ENAH: variants seen among roughly 807,000 people sequenced by gnomAD.
ENAH encodes ENAH actin regulator.
A neutral mutation model predicts 78.7 loss-of-function variants in ENAH; 23 were observed. The ratio of observed to expected loss-of-function variants is 0.29; its 90% CI spans 0.21 to 0.41. The LOEUF is 0.41. ENAH is among the 10% of genes least tolerant of loss of function. ENAH has a pLI of 1.00. For missense variants in ENAH, 544 were observed against 691.0 expected (o/e 0.79, Z 2.39); for synonymous variants, 226 against 241.0 (o/e 0.94, Z 0.58).
At position 225,574,932 on chromosome 1, in the gene ENAH, A is replaced by AT. The variant is rs1491247727; in HGVS notation, c.6-7519_6-7518insA. Among the ~76,000 whole-genome samples the AT allele has an allele frequency of 1.1e-4, 14 of 130,156 alleles. 2 individuals are homozygous for AT. In the East Asian group the frequency reaches 1.2e-3, roughly 11 times the overall value. The allele number at this position is 130,156 out of a possible 152,430, so 85.4% of individuals were successfully genotyped here. A position where few individuals can be genotyped will look rare whatever the true frequency, so the allele number is the denominator to read the frequency against. ...AAAAAAAAAAAAAATATATATATAT[A>AT]AAAAAAAAAAAAGATTGTGCATTCA... On this transcript the variant is annotated intron_variant, in intron 1 of 13. Transcript: ENST00000366843.
chr1:225,549,607 C>G (rs897027318), intron 3 of ENAH, among the ~76,000 whole-genome samples: 1 of 152,192 alleles, frequency 6.6e-6, no homozygotes, highest in Non-Finnish European at 1.5e-5. Context: ...ATTTCTAAAA[C>G]AAGGATAATA....
chr1:225,519,219 C>G lies in ENAH; in HGVS notation c.781G>C (p.Glu261Gln). 6.2e-7 allele frequency: 1 copy of G among 1,614,192 alleles called. No individual in the cohort carries two copies. Among genetic ancestry groups the G allele is most frequent in the Non-Finnish European group, 8.5e-7 (1 of 1,180,000 alleles). ...LEREQLEWER[E>Q]RRISSAAAPA... ...TTACCAGCACTTGATATTCTGCGCTCTCTCTCCCATTCCAGCTGTTCCCTT... is the reference window on the plus strand; with the variant it reads ...TTACCAGCACTTGATATTCTGCGCTGTCTCTCCCATTCCAGCTGTTCCCTT... Residue 261 changes from glutamate to glutamine, a missense_variant, in exon 5 of 14, where the codon GAG becomes CAG. Transcript: ENST00000366843.
rs1431927044 is a variant in ENAH at position 225,489,499 on chromosome 1, A to G, written c.*8276T>C. On this transcript the variant is annotated 3_prime_UTR_variant, in exon 14 of 14. Transcript: ENST00000366843. ...GCAATAGCGTCTATGACTATAAAACAACTAAAAGCTGCACTTAAGATGGGA... is the reference window on the plus strand; with the variant it reads ...GCAATAGCGTCTATGACTATAAAACGACTAAAAGCTGCACTTAAGATGGGA... The G allele has an allele frequency of 6.6e-6, 1 of 152,196 alleles. No homozygotes were observed. Among genetic ancestry groups the G allele is most frequent in the African/African-American group, 2.4e-5 (1 of 41,436 alleles). 9.4% of individuals were successfully genotyped at this position (152,196 alleles called of 1,614,324 possible).
At chr1:225,565,376 A>G (rs2096729348) in intron 2 of ENAH, among the ~76,000 whole-genome samples, 1 of 152,248 alleles carries the variant, frequency 6.6e-6, no homozygotes, top group South Asian at 2.1e-4. Context: ...GAGAGGTTGC[A>G]GTGAGCCACA....
chr1:225,643,957 G>A (rs1306120270), intron 1 of ENAH, among the ~76,000 whole-genome samples: 1 of 151,874 alleles, frequency 6.6e-6, no homozygotes, highest in African/African-American at 2.4e-5. Context: ...ATAATAAAAT[G>A]TAAAAAGTAT....
chr1:225,554,534 C>T (rs2151423751), intron 3 of ENAH, among the ~76,000 whole-genome samples: 1 of 152,266 alleles, frequency 6.6e-6, no homozygotes, highest in Admixed American at 6.5e-5. Flanking sequence ...TGTTTCTTTA[C>T]ACAAAGATGA....
intron 1 of ENAH, among the ~76,000 whole-genome samples, chr1:225,601,057 G>A (rs1384731161): frequency 6.6e-6 from 1 of 152,064 alleles, no homozygotes; most frequent in East Asian, 1.9e-4. Flanking sequence ...GAAAATGACA[G>A]CAAAATATAT....
intron 4 of ENAH, among the ~76,000 whole-genome samples, chr1:225,520,931 AGGGAGGGAGGGAGGGAGGGAGGG>A (rs1558748510): frequency 0.02 from 11 of 542 alleles, no homozygotes; most frequent in Non-Finnish European, 0.053. Flanking sequence ...GAAGGGAGGG[AGGGAGGGAGGGAGGGAGGGAGGG>A]AGGGAGGGAG....
At chr1:225,607,512 G>A (rs1164026061) in intron 1 of ENAH, among the ~76,000 whole-genome samples, 2 of 137,040 alleles carry the variant, frequency 1.5e-5, no homozygotes, top group Non-Finnish European at 3.0e-5. Context: ...GCAGGGTGGG[G>A]GGCAAAAAAA....
At chr1:225,538,061 T>C (rs2096570700) in intron 3 of ENAH, among the ~76,000 whole-genome samples, 1 of 152,164 alleles carries the variant, frequency 6.6e-6, no homozygotes, top group Admixed American at 6.6e-5. Flanking sequence ...AAATGAGATG[T>C]TTGCTTAAAG....
At chr1:225,562,585 A>AAAC (rs2096712855) in intron 2 of ENAH, among the ~76,000 whole-genome samples, 1 of 148,430 alleles carries the variant, frequency 6.7e-6, no homozygotes, top group Admixed American at 6.7e-5. Flanking sequence ...AAAAAAAAAA[A>AAAC]AAAAAAAAAA....
intron 1 of ENAH, among the ~76,000 whole-genome samples, chr1:225,615,758 G>A (rs1296746308): frequency 3.4e-5 from 5 of 147,806 alleles, no homozygotes; most frequent in South Asian, 2.2e-4. Flanking sequence ...GGTGAGGAGC[G>A]TCTCTGCCCG....
intron 2 of ENAH, among the ~76,000 whole-genome samples, chr1:225,563,851 T>G (rs1017966657): frequency 1.3e-5 from 2 of 152,226 alleles, no homozygotes; most frequent in African/African-American, 4.8e-5. Flanking sequence ...TAGATTTCAT[T>G]TGTAAATGCT....
chr1:225,580,912 C>CAAAAAAAAAAAAAAA (rs78529288), intron 1 of ENAH, among the ~76,000 whole-genome samples: 2 of 63,828 alleles, frequency 3.1e-5, no homozygotes, highest in Non-Finnish European at 6.6e-5. Context: ...AGAAAAAAAC[C>CAAAAAAAAAAAAAAA]AAAAAAAAAA....
chr1:225,556,656 GT>G (rs1225524751), intron 2 of ENAH, among the ~76,000 whole-genome samples: 3 of 152,086 alleles, frequency 2.0e-5, no homozygotes, highest in African/African-American at 7.2e-5. Flanking sequence ...TCTTAACGGT[GT>G]CTTGATGGAT....
At chr1:225,508,048 T>C in intron 10 of ENAH, 31 bp from the exon 11 acceptor site, 2 of 1,365,334 alleles carry the variant, frequency 1.5e-6, no homozygotes, top group Non-Finnish European at 2.0e-6. Flanking sequence ...AGCTATTAAA[T>C]AAATAAATGC....
At chr1:225,527,240 AAAGTT>A (rs1387356202) in intron 4 of ENAH, among the ~76,000 whole-genome samples, 1 of 152,248 alleles carries the variant, frequency 6.6e-6, no homozygotes, top group Non-Finnish European at 1.5e-5. Context: ...TTAAACAGCC[AAAGTT>A]AACAGGACAA....
At chr1:225,556,927 ACTGTGCTG>A (rs2096669926) in intron 2 of ENAH, among the ~76,000 whole-genome samples, 1 of 152,172 alleles carries the variant, frequency 6.6e-6, no homozygotes, top group African/African-American at 2.4e-5. Context: ...CAGCACTATC[ACTGTGCTG>A]CAGGTTTGCC....
intron 1 of ENAH, among the ~76,000 whole-genome samples, chr1:225,610,947 C>T (rs1232886973): frequency 2.0e-5 from 3 of 152,108 alleles, no homozygotes; most frequent in Non-Finnish European, 2.9e-5. Context: ...TACAGATGAA[C>T]GGCACAGATC....
Sources: gnomAD v4.1 joint callset for allele counts (sites outside exome capture counted in the v4.1 genomes callset) on GRCh38, gnomAD v4.1.1 for gene constraint, MANE v1.5 for transcripts, NCBI Gene and HGNC (gene_info 2026-07-23, HGNC 2026-07-21) for gene names.